The following PCDHGA5 variants were observed in gnomAD, a reference collection of about 807,000 sequenced individuals.
PCDHGA5 encodes protocadherin gamma-A5.
A neutral mutation model predicts 56.7 loss-of-function variants in PCDHGA5; 36 were observed. That is an observed-to-expected ratio of 0.64 (90% CI 0.49 to 0.84). The LOEUF is 0.84. PCDHGA5 is among the 40% of genes least tolerant of loss of function. The pLI is 0.00. For synonymous variants in PCDHGA5, 563 were observed against 520.2 expected, an observed-to-expected ratio of 1.08 and a Z score of -1.12; for missense variants, 1,305 against 1,201.5, an observed-to-expected ratio of 1.09 and a Z score of -1.27.
rs781336795 is a variant in PCDHGA5, at chr5:141,477,936, C to T, written c.2422-16871C>T. Reference sequence around the variant, plus strand: ...GATGCAGGGCACAATGCCTGGCTCTCCTACAGTCTCTTGGGATCCCCTAAC... The same window carrying T: ...GATGCAGGGCACAATGCCTGGCTCTTCTACAGTCTCTTGGGATCCCCTAAC... On this transcript the variant is annotated intron_variant, in intron 1 of 3. Transcript: ENST00000518069. This position sits in a 1 kb window ranked among gnomAD's most constrained non-coding sequence, Gnocchi z 4.9. 1.2e-6 allele frequency: 2 copies of T among 1,614,170 alleles called. No homozygotes were observed. The highest frequency in any genetic ancestry group is 1.1e-5 in the South Asian group (1 of 91,088).
chr5:141,398,476 T>C (rs756685671), intron 1 of PCDHGA5: 1 of 1,607,694 alleles, frequency 6.2e-7, no homozygotes. Flanking sequence ...ACTGAACTTT[T>C]ATCACGTGAA....
chr5:141,384,134 G>A (rs746106528), intron 1 of PCDHGA5: 1 of 1,611,962 alleles, frequency 6.2e-7, no homozygotes, highest in Admixed American at 1.7e-5. Flanking sequence ...AACTTGGACC[G>A]GGAAACACTC....
intron 1 of PCDHGA5, chr5:141,379,744 G>T (rs1333166422): frequency 6.6e-6 from 1 of 152,052 alleles, no homozygotes; most frequent in African/African-American, 2.4e-5. Flanking sequence ...GCTAAATGAG[G>T]TTCTTTAATC....
rs771450412 is a variant in PCDHGA5, at chr5:141,374,978, G to C, written c.2421+8227G>C. The C allele has an allele frequency of 2.2e-5, 35 of 1,613,984 alleles. No homozygotes were observed. The highest frequency in any genetic ancestry group is 2.9e-5 in the Non-Finnish European group (34 of 1,179,904). On this transcript the variant is annotated intron_variant, in intron 1 of 3. Coordinates refer to ENST00000518069, the MANE Select transcript of PCDHGA5 (RefSeq NM_018918.3). The stretch of plus-strand genomic sequence containing the variant: ...AATTTTCTGTTTGAATGTTTTGACT[G>C]GAGAAATTTCAACTTCTGCAAATCT...
chr5:141,395,435 T>A, intron 1 of PCDHGA5: 1 of 680,384 alleles, frequency 1.5e-6, no homozygotes, highest in Non-Finnish European at 2.3e-6. Context: ...TTTAAACGAC[T>A]TGGAAAAGAT....
chr5:141,410,078 G>T, intron 1 of PCDHGA5: 4 of 1,612,820 alleles, frequency 2.5e-6, no homozygotes, highest in East Asian at 2.2e-5. Flanking sequence ...CACTGGGGAG[G>T]TGCGCACGGC....
chr5:141,399,753 G>T (rs1418820057), intron 1 of PCDHGA5: 8 of 1,613,370 alleles, frequency 5.0e-6, no homozygotes, highest in Non-Finnish European at 6.8e-6. Context: ...GCGCAAACGT[G>T]AGCCTGCGCG....
chr5:141,394,428 G>A lies in PCDHGA5; in HGVS notation c.2421+27677G>A, dbSNP rs199658498. On this transcript the variant is annotated intron_variant, in intron 1 of 3. Coordinates refer to ENST00000518069, the MANE Select transcript of PCDHGA5 (RefSeq NM_018918.3). ...ACTGGTAACAGCCAGCGACAGCGGG[G>A]ACCCGCCCCTCAGCAGCAACATGTC... 332 of 1,614,232 alleles carry A rather than the reference G, an allele frequency of 2.1e-4. 3 individuals are homozygous for A. In the African/African-American group the frequency reaches 4.0e-3, roughly 19 times the overall value.
chr5:141,490,045 C>G lies in PCDHGA5; in HGVS notation c.2422-4762C>G, dbSNP rs530803072. 6 of 1,614,114 alleles carry G rather than the reference C, an allele frequency of 3.7e-6. No individual in the cohort carries two copies. The highest frequency in any genetic ancestry group is 5.1e-6 in the Non-Finnish European group (6 of 1,180,014). On this transcript the variant is annotated intron_variant, in intron 1 of 3. Coordinates refer to ENST00000518069, the MANE Select transcript of PCDHGA5 (RefSeq NM_018918.3). This position sits in a 1 kb window ranked among gnomAD's most constrained non-coding sequence, Gnocchi z 5.4. ...GCTGCTCCGCCTCAATGCCACTGAT[C>G]CAGACGAGGGCACCAACGGCCAACT...
At chr5:141,399,991 G>T (rs1226741326) in intron 1 of PCDHGA5, 3 of 1,612,304 alleles carry the variant, frequency 1.9e-6, no homozygotes, top group Admixed American at 3.3e-5. Context: ...CACAGGAGAG[G>T]TGCGCACAGC....
chr5:141,419,769 C>A (rs773303779), intron 1 of PCDHGA5: 14 of 1,614,006 alleles, frequency 8.7e-6, no homozygotes, highest in East Asian at 4.5e-5. Context: ...GACAAGGACT[C>A]GGTCCGCCAG....
chr5:141,396,626 A>G (rs1273835228), intron 1 of PCDHGA5: 1 of 152,182 alleles, frequency 6.6e-6, no homozygotes, highest in African/African-American at 2.4e-5. Flanking sequence ...TCTCAAAAAA[A>G]AAAAAAACTA....
intron 1 of PCDHGA5, chr5:141,370,541 C>T (rs760146561): frequency 5.0e-6 from 8 of 1,613,924 alleles, no homozygotes; most frequent in Non-Finnish European, 5.9e-6. Flanking sequence ...TGGTAGGGAA[C>T]CTCGCCAAGG....
chr5:141,500,894 C>G (rs1221911920), intron 2 of PCDHGA5, among the ~76,000 whole-genome samples: 1 of 150,982 alleles, frequency 6.6e-6, no homozygotes, highest in African/African-American at 2.4e-5. Flanking sequence ...TTTTTTGAGA[C>G]AGTCTCGCTC....
At chr5:141,398,061 A>G (rs541058758) in intron 1 of PCDHGA5, 863 of 1,544,254 alleles carry the variant, frequency 5.6e-4, no homozygotes, top group Middle Eastern at 1.5e-3. Flanking sequence ...CCAAAAATCT[A>G]CAATACAGAG....
chr5:141,413,477 C>A, intron 1 of PCDHGA5: 1 of 1,614,100 alleles, frequency 6.2e-7, no homozygotes, highest in Non-Finnish European at 8.5e-7. Flanking sequence ...GAGCTCTGCG[C>A]TCAGAGCGCG....
At position 141,476,290 on chromosome 5, in the gene PCDHGA5, C is replaced by T. The variant is rs768208156; in HGVS notation, c.2422-18517C>T. ...TGGTCGCGAACCTTGGTTTGGATCT[C>T]GGTAGCCTCTCAGCCCGCAGGTTCC... On this transcript the variant is annotated intron_variant, in intron 1 of 3. Coordinates refer to ENST00000518069, the MANE Select transcript of PCDHGA5 (RefSeq NM_018918.3). The surrounding 1 kb of genome is among the most constrained non-coding windows in gnomAD (Gnocchi z 7.6). 1.7e-5 allele frequency: 27 copies of T among 1,613,932 alleles called. No individual in the cohort carries two copies. Among genetic ancestry groups the T allele is most frequent in the Non-Finnish European group, 2.3e-5 (27 of 1,180,018 alleles).
rs1290682140 is a variant in PCDHGA5 at position 141,431,692 on chromosome 5, G to A, written c.2422-63115G>A. 1 of 1,614,132 alleles carries A rather than the reference G, an allele frequency of 6.2e-7. No homozygotes were observed. The highest frequency in any genetic ancestry group is 2.2e-5 in the East Asian group (1 of 44,888). On this transcript the variant is annotated intron_variant, in intron 1 of 3. Transcript: ENST00000518069. The surrounding 1 kb of genome is among the most constrained non-coding windows in gnomAD (Gnocchi z 4.8). The stretch of plus-strand genomic sequence containing the variant: ...CAATAGGGGAGTTGGACCACGAGGA[G>A]TCAGGATTCTACCAGATGGAAGTGC...
At chr5:141,368,798 C>T (rs1477388914) in intron 1 of PCDHGA5, among the ~76,000 whole-genome samples, 3 of 152,096 alleles carry the variant, frequency 2.0e-5, no homozygotes, top group Non-Finnish European at 4.4e-5. Flanking sequence ...ATTTTTCATA[C>T]TAATTGAAGT....
Sources: gnomAD v4.1 joint callset for allele counts (sites outside exome capture counted in the v4.1 genomes callset) on GRCh38, gnomAD v4.1.1 for gene constraint, Gnocchi (gnomAD v3.1) non-coding constraint, MANE v1.5 for transcripts, NCBI Gene and HGNC (gene_info 2026-07-23, HGNC 2026-07-21) for gene names.